Variants in SLA observed in about 807,000 individuals in gnomAD.
SLA encodes src-like-adapter.
In SLA, 16 loss-of-function variants were observed where a neutral mutation model predicts 30.3. The ratio of observed to expected loss-of-function variants is 0.53; its 90% CI spans 0.36 to 0.80. SLA has a LOEUF of 0.80. Ranked by LOEUF, SLA falls within the 30% of genes least tolerant of loss-of-function variation. SLA has a pLI of 0.01. For missense variants in SLA, 310 were observed against 345.2 expected (o/e 0.90, Z 0.81); for synonymous variants, 143 against 137.8 (o/e 1.04, Z -0.26).
At chr8:133,049,525 T>C (rs1368347527) in intron 5 of SLA, 1 of 292,614 alleles carries the variant, frequency 3.4e-6, no homozygotes, top group African/African-American at 2.2e-5. Context: ...CATAAAAAGC[T>C]TGTTCACTGG....
intron 7 of SLA, among the ~76,000 whole-genome samples, chr8:133,043,521 G>A (rs1218531776): frequency 6.6e-6 from 1 of 152,196 alleles, no homozygotes; most frequent in Middle Eastern, 3.2e-3. Flanking sequence ...GACAGGCTAT[G>A]CTGAACGCAC....
At chr8:133,064,795 C>G (rs1007206209) in intron 2 of SLA, among the ~76,000 whole-genome samples, 2 of 152,136 alleles carry the variant, frequency 1.3e-5, no homozygotes, top group African/African-American at 4.8e-5. Context: ...CAGAACCTTC[C>G]ATTCCTGGGA....
intron 2 of SLA, chr8:133,060,439 G>T (rs1842207610): frequency 7.2e-7 from 1 of 1,395,814 alleles, no homozygotes; most frequent in Non-Finnish European, 9.5e-7. Flanking sequence ...AATGCTGTTG[G>T]TGGCAAAAGT....
At chr8:133,078,900 A>G (rs559876612) in intron 1 of SLA, among the ~76,000 whole-genome samples, 1 of 152,242 alleles carries the variant, frequency 6.6e-6, no homozygotes, top group South Asian at 2.1e-4. Flanking sequence ...CTAGCAGAGG[A>G]GACAGACACA....
intron 3 of SLA, among the ~76,000 whole-genome samples, chr8:133,055,584 T>C (rs1841294127): frequency 6.6e-6 from 1 of 152,156 alleles, no homozygotes; most frequent in African/African-American, 2.4e-5. Context: ...GCCTTGGTTT[T>C]TCCGTATGTT....
At chr8:133,059,842 A>G (rs1318584280) in intron 3 of SLA, among the ~76,000 whole-genome samples, 2 of 152,174 alleles carry the variant, frequency 1.3e-5, no homozygotes, top group Non-Finnish European at 2.9e-5. Flanking sequence ...AAATAAAGTG[A>G]TTAAACCAGC....
chr8:133,040,860 C>G (rs547524685), intron 7 of SLA, among the ~76,000 whole-genome samples: 1 of 152,206 alleles, frequency 6.6e-6, no homozygotes, highest in Non-Finnish European at 1.5e-5. Flanking sequence ...AAGACAATCT[C>G]TCTTTCACTC....
intron 1 of SLA, among the ~76,000 whole-genome samples, chr8:133,094,171 G>A (rs954696128): frequency 3.3e-5 from 5 of 152,010 alleles, no homozygotes; most frequent in South Asian, 4.2e-4. Context: ...CCAAAAGTCC[G>A]GGCAGAGATG....
chr8:133,079,364 C>G (rs1022001113), intron 1 of SLA, among the ~76,000 whole-genome samples: 3 of 152,240 alleles, frequency 2.0e-5, no homozygotes, highest in African/African-American at 7.2e-5. Flanking sequence ...GAGAGTCACT[C>G]AGTTAAGTAC....
chr8:133,093,139 CTTTTTTTT>C (rs752795832), intron 1 of SLA, among the ~76,000 whole-genome samples: 94 of 146,408 alleles, frequency 6.4e-4, no homozygotes, highest in South Asian at 1.1e-3. Context: ...CTTTTCTTTT[CTTTTTTTT>C]TTTTAATTTA....
At chr8:133,100,664 A>G (rs1284595372) in intron 1 of SLA, among the ~76,000 whole-genome samples, 1 of 152,152 alleles carries the variant, frequency 6.6e-6, no homozygotes, top group Non-Finnish European at 1.5e-5. Context: ...TCCTCTTCCC[A>G]TGACGTCACT....
intron 1 of SLA, chr8:133,090,143 A>G (rs532526835): frequency 6.6e-6 from 1 of 152,364 alleles, no homozygotes; most frequent in Non-Finnish European, 1.5e-5. Context: ...CAAAAGAAAT[A>G]CAAGGTTGAT....
intron 3 of SLA, among the ~76,000 whole-genome samples, chr8:133,058,497 C>T (rs1841865462): frequency 2.0e-5 from 3 of 152,218 alleles, no homozygotes; most frequent in Admixed American, 2.0e-4. Context: ...TTCGCTCAAG[C>T]ATGCTGCCCC....
At chr8:133,054,198 G>A (rs1266808745) in intron 3 of SLA, among the ~76,000 whole-genome samples, 2 of 152,106 alleles carry the variant, frequency 1.3e-5, no homozygotes, top group South Asian at 2.1e-4. Context: ...AGAGCTCAGC[G>A]TTTGAATTCA....
intron 1 of SLA, among the ~76,000 whole-genome samples, chr8:133,102,070 T>C (rs56907796): frequency 0.092 from 14,011 of 152,270 alleles, 2,193 homozygotes; most frequent in African/African-American, 0.32. Flanking sequence ...TGGAAAATAG[T>C]TTGGCTTCAA....
chr8:133,076,483 C>T (rs1325271959), intron 1 of SLA, among the ~76,000 whole-genome samples: 1 of 152,158 alleles, frequency 6.6e-6, no homozygotes, highest in East Asian at 1.9e-4. Context: ...TGGGAAGGTA[C>T]AAAGGAACTA....
At position 133,049,904 on chromosome 8, in the gene SLA, A is replaced by G. The variant is rs779886476; in HGVS notation, c.246T>C (p.His82=). ...TGCCATTTGAGAAATGTACTCACCC[A>G]TGGTAAACTCTGGCCACACATATTC... ...IPGICVARVY[H]GWLFEGLGRD... is the part of the protein sequence containing the mutation. Residue 82 remains histidine (H), a splice_region_variant and synonymous_variant, in exon 5 of 9, where the codon CAT becomes CAC. Coordinates refer to ENST00000338087, the MANE Select transcript of SLA (RefSeq NM_001045556.3). The G allele has an allele frequency of 1.9e-6, 3 of 1,599,998 alleles. No homozygotes were observed. The highest frequency in any genetic ancestry group is 2.6e-6 in the Non-Finnish European group (3 of 1,167,126).
At chr8:133,076,741 C>T (rs1249674129) in intron 1 of SLA, 1 of 124,192 alleles carries the variant, frequency 8.1e-6, no homozygotes, top group Admixed American at 8.8e-5. Flanking sequence ...GCATATTCCA[C>T]AAACTGGGAT....
chr8:133,082,493 G>C (rs2131542653), intron 1 of SLA, among the ~76,000 whole-genome samples: 1 of 152,332 alleles, frequency 6.6e-6, no homozygotes, highest in East Asian at 1.9e-4. Flanking sequence ...GGAGCTCACA[G>C]ATGCCCATGG....
Sources: allele counts gnomAD v4.1 joint callset (sites outside exome capture counted in the v4.1 genomes callset), GRCh38; gene constraint gnomAD v4.1.1; transcripts MANE v1.5; gene names NCBI Gene and HGNC (gene_info 2026-07-23, HGNC 2026-07-21).